The following NECTIN3 variants were observed in gnomAD, a reference collection of about 807,000 sequenced individuals.
NECTIN3 encodes the protein nectin-3.
NECTIN3 carries 8 observed loss-of-function variants against 49.4 expected under a neutral mutation model. That is an observed-to-expected ratio of 0.16 (90% CI 0.10 to 0.29). The LOEUF is 0.29. Ranked by LOEUF, NECTIN3 falls within the 10% of genes least tolerant of loss-of-function variation. The pLI is 1.00. For missense variants in NECTIN3, 581 were observed against 654.6 expected (o/e 0.89, Z 1.23); for synonymous variants, 277 against 241.1 (o/e 1.15, Z -1.38).
chr3:111,106,654 T>C (rs1333210384), intron 1 of NECTIN3, among the ~76,000 whole-genome samples: 2 of 152,188 alleles, frequency 1.3e-5, no homozygotes, highest in Admixed American at 1.3e-4. Flanking sequence ...AAATGTGTTT[T>C]GTTGAAGTAT....
intron 1 of NECTIN3, among the ~76,000 whole-genome samples, chr3:111,090,929 A>AGT (rs112171056): frequency 0.014 from 1,938 of 140,242 alleles, 15 homozygotes; most frequent in African/African-American, 0.025. Flanking sequence ...CATTAGTGCT[A>AGT]GTGTGTGTGT....
rs189402015 is a variant in NECTIN3, at chr3:111,134,404, T to G, written c.*189T>G. The G allele has an allele frequency of 5.0e-4, 658 of 1,304,236 alleles. No individual in the cohort carries two copies. The African/African-American group carries it at 8.8e-3, about 17-fold the overall frequency. 80.8% of individuals were successfully genotyped at this position (1,304,236 alleles called of 1,614,324 possible). Reference sequence around the variant, plus strand: ...TCAGTGTATCTAAGCTGCTTTACAATTTTTTTTCAATGCTGTACTACTGTC... The same window carrying G: ...TCAGTGTATCTAAGCTGCTTTACAAGTTTTTTTCAATGCTGTACTACTGTC... On this transcript the variant is annotated 3_prime_UTR_variant, in exon 6 of 6. Transcript: ENST00000485303.
chr3:111,111,561 A>G (rs1246472778), intron 1 of NECTIN3, among the ~76,000 whole-genome samples: 1 of 152,136 alleles, frequency 6.6e-6, no homozygotes, highest in East Asian at 1.9e-4. Context: ...CTTTAAAACA[A>G]TATCCATTTA....
intron 7 of NECTIN3, among the ~76,000 whole-genome samples, chr3:111,163,924 C>T (rs1370799035): frequency 1.3e-5 from 2 of 150,524 alleles, no homozygotes; most frequent in Non-Finnish European, 3.0e-5. Context: ...GAAAAGATTT[C>T]CCAGTGACAA....
chr3:111,131,950 A>T (rs1048485531), intron 5 of NECTIN3, among the ~76,000 whole-genome samples: 18 of 151,854 alleles, frequency 1.2e-4, no homozygotes, highest in Admixed American at 1.1e-3. Flanking sequence ...TTTGCAAATC[A>T]TTGTAAGGAT....
intron 7 of NECTIN3, among the ~76,000 whole-genome samples, chr3:111,153,478 T>C (rs1415049698): frequency 6.6e-6 from 1 of 152,012 alleles, no homozygotes; most frequent in Non-Finnish European, 1.5e-5. Flanking sequence ...ATCTGTCTTA[T>C]AAATGAGAAA....
At chr3:111,099,169 C>T (rs576186904) in intron 1 of NECTIN3, among the ~76,000 whole-genome samples, 1 of 152,112 alleles carries the variant, frequency 6.6e-6, no homozygotes. Context: ...AGCTTACAGA[C>T]AAAATTAGTC....
At chr3:111,075,619 T>G (rs1466777551) in intron 1 of NECTIN3, among the ~76,000 whole-genome samples, 2 of 152,162 alleles carry the variant, frequency 1.3e-5, no homozygotes, top group Non-Finnish European at 2.9e-5. Context: ...GCTGAATAAT[T>G]GAGTTTTCAA....
At chr3:111,137,690 C>T (rs1194106918), downstream of NECTIN3, 1 of 185,656 alleles carries the variant, frequency 5.4e-6, no homozygotes, top group Non-Finnish European at 9.9e-6. Flanking sequence ...TTGTGGGAAT[C>T]AGAAACCTGT....
chr3:111,174,340 C>A (rs551803757), intron 7 of NECTIN3, among the ~76,000 whole-genome samples: 2 of 152,312 alleles, frequency 1.3e-5, no homozygotes, highest in South Asian at 4.1e-4. Flanking sequence ...ACTACTGATT[C>A]TCACAGTGTT....
At chr3:111,175,945 A>G (rs2035520309) in intron 7 of NECTIN3, among the ~76,000 whole-genome samples, 1 of 152,166 alleles carries the variant, frequency 6.6e-6, no homozygotes, top group African/African-American at 2.4e-5. Flanking sequence ...AAAAGTCTAC[A>G]TTTAGTTATT....
chr3:111,164,006 C>T (rs929294509), intron 7 of NECTIN3, among the ~76,000 whole-genome samples: 5 of 129,306 alleles, frequency 3.9e-5, no homozygotes, highest in Non-Finnish European at 6.7e-5. Context: ...AAATAAGAAA[C>T]AAGAATTACT....
At chr3:111,097,237 C>T (rs555611045) in intron 1 of NECTIN3, among the ~76,000 whole-genome samples, 4 of 151,090 alleles carry the variant, frequency 2.6e-5, no homozygotes, top group Non-Finnish European at 5.9e-5. Flanking sequence ...CACTGGACTT[C>T]AGCCCCTTTG....
chr3:111,104,850 C>T (rs765526229), intron 1 of NECTIN3, among the ~76,000 whole-genome samples: 1 of 152,062 alleles, frequency 6.6e-6, no homozygotes, highest in Non-Finnish European at 1.5e-5. Flanking sequence ...AACTTAAGGT[C>T]ACAAATATTT....
downstream of NECTIN3, among the ~76,000 whole-genome samples, chr3:111,141,764 A>T (rs879734004): frequency 1.3e-5 from 2 of 151,878 alleles, no homozygotes; most frequent in African/African-American, 4.8e-5. Flanking sequence ...TAATTATTTT[A>T]TAAGTTTTGT....
Position 111,106,342 on chromosome 3 carries a change from T to A in NECTIN3, c.161-5688T>A, listed in dbSNP as rs188102940. On this transcript the variant is annotated intron_variant, in intron 1 of 5. Coordinates refer to ENST00000485303, the MANE Select transcript of NECTIN3 (RefSeq NM_015480.3). ...ACCAGTTTTTGGCATGTGACCCAGGTTTCTCCTTAGAATATAGAAACCTTT... is the reference window on the plus strand; with the variant it reads ...ACCAGTTTTTGGCATGTGACCCAGGATTCTCCTTAGAATATAGAAACCTTT... 8.1e-4 allele frequency among the ~76,000 whole-genome samples: 123 copies of A among 152,332 alleles called. 1 individual carries two copies. The highest frequency in any genetic ancestry group is 3.4e-4 in the Non-Finnish European group (23 of 68,024).
intron 7 of NECTIN3, among the ~76,000 whole-genome samples, chr3:111,177,056 T>C (rs983665806): frequency 9.2e-5 from 14 of 152,184 alleles, no homozygotes; most frequent in Non-Finnish European, 1.6e-4. Flanking sequence ...CATAAATTAT[T>C]AACCACTTAG....
chr3:111,088,631 G>A (rs2032075930), intron 1 of NECTIN3, among the ~76,000 whole-genome samples: 1 of 152,050 alleles, frequency 6.6e-6, no homozygotes, highest in African/African-American at 2.4e-5. Context: ...TCTACTGATG[G>A]TGAATTACAT....
At chr3:111,177,134 T>C (rs908257924) in intron 7 of NECTIN3, among the ~76,000 whole-genome samples, 2 of 152,184 alleles carry the variant, frequency 1.3e-5, no homozygotes, top group Non-Finnish European at 2.9e-5. Flanking sequence ...TTGAAATTAC[T>C]TATGGTTATT....
Sources: gnomAD v4.1 joint callset for allele counts (sites outside exome capture counted in the v4.1 genomes callset) on GRCh38, gnomAD v4.1.1 for gene constraint, MANE v1.5 for transcripts, NCBI Gene and HGNC (gene_info 2026-07-23, HGNC 2026-07-21) for gene names.